Variants in SEC14L3 observed in about 807,000 individuals in gnomAD.
The protein encoded by SEC14L3 is SEC14-like protein 3.
Under a neutral mutation model 57.4 loss-of-function variants are expected in SEC14L3, and 56 were observed. The observed-to-expected ratio is 0.97, with a 90% CI of 0.79 to 1.22. The LOEUF is 1.22. Ranked by LOEUF, SEC14L3 falls within the 50% of genes most tolerant of loss-of-function variation. The pLI, the probability that SEC14L3 is intolerant of heterozygous loss-of-function variation, is 0.00. For missense variants in SEC14L3, 485 were observed against 511.7 expected, an observed-to-expected ratio of 0.95 and a Z score of 0.50; for synonymous variants, 173 against 194.4, an observed-to-expected ratio of 0.89 and a Z score of 0.92.
chr22:30,467,496 C>A (rs1643446099), intron 5 of SEC14L3, among the ~76,000 whole-genome samples: 1 of 152,190 alleles, frequency 6.6e-6, no homozygotes, highest in South Asian at 2.1e-4. Flanking sequence ...TAATAACCCA[C>A]AGTTTTTGTC....
At chr22:30,452,014 AAAGAAAAG>A (rs1569224077) in intron 12 of SEC14L3, among the ~76,000 whole-genome samples, 34 of 147,434 alleles carry the variant, frequency 2.3e-4, no homozygotes, top group East Asian at 6.1e-4. Context: ...AAAAAAGAAA[AAAGAAAAG>A]AAAAGAAAAG....
Position 30,470,510 on chromosome 22 carries a change from G to A in SEC14L3, c.127C>T (p.Arg43Ter), listed in dbSNP as rs200561897. The A allele has an allele frequency of 4.9e-4, 783 of 1,614,110 alleles. 4 individuals carry two copies. Among genetic ancestry groups the A allele is most frequent in the Non-Finnish European group, 1.7e-4 (196 of 1,180,030 alleles). ...CCTCTCCCACCTCTGCCCTCACCTCGGAGCCAGCGTAGAAGGAAATAATCA... is the reference window on the plus strand; with the variant it reads ...CCTCTCCCACCTCTGCCCTCACCTCAGAGCCAGCGTAGAAGGAAATAATCA... ...PDDYFLLRWL[R>*]ARNFDLQKSE... Residue 43 changes from arginine (R) to a stop codon, truncating the protein, a stop_gained, in exon 2 of 12, where the codon CGA becomes TGA. Transcript: ENST00000215812. LOFTEE classifies it high-confidence loss of function.
chr22:30,471,868 C>T, intron 1 of SEC14L3, 37 bp downstream of exon 1: 1 of 1,613,448 alleles, frequency 6.2e-7, no homozygotes, highest in South Asian at 1.1e-5. Flanking sequence ...GCCCCTTTCC[C>T]CTGGTCTTCC....
At chr22:30,455,099 T>TATA (rs1935088956), downstream of SEC14L3, among the ~76,000 whole-genome samples, 1 of 45,334 alleles carries the variant, frequency 2.2e-5, no homozygotes, top group Non-Finnish European at 3.4e-5. Flanking sequence ...TAATATATAA[T>TATA]ATATTTAATA....
At chr22:30,470,636 C>T in intron 1 of SEC14L3, 54 bp from the exon 2 acceptor site, 1 of 1,612,368 alleles carries the variant, frequency 6.2e-7, no homozygotes, top group Non-Finnish European at 8.5e-7. Context: ...CCTTGGCCTC[C>T]AGACTCAAAG....
At chr22:30,452,310 G>A (rs1178728390) in intron 12 of SEC14L3, among the ~76,000 whole-genome samples, 1 of 143,768 alleles carries the variant, frequency 7.0e-6, no homozygotes, top group African/African-American at 2.6e-5. Flanking sequence ...GTGCAGTGGT[G>A]CAAACTCGGC....
intron 8 of SEC14L3, among the ~76,000 whole-genome samples, chr22:30,462,692 G>T (rs904340963): frequency 2.6e-5 from 4 of 151,680 alleles, no homozygotes; most frequent in African/African-American, 9.7e-5. Flanking sequence ...CAAAGTGTTG[G>T]GATTACAGGT....
downstream of SEC14L3, among the ~76,000 whole-genome samples, chr22:30,457,585 A>G (rs1169922255): frequency 2.0e-5 from 3 of 151,546 alleles, no homozygotes; most frequent in African/African-American, 7.3e-5. Context: ...GTTTCACCAC[A>G]TTGGCCAAGC....
chr22:30,468,761 G>A (rs1247351658), intron 4 of SEC14L3, 65 bp from the exon 5 acceptor site: 8 of 1,613,194 alleles, frequency 5.0e-6, no homozygotes, highest in East Asian at 4.5e-5. Flanking sequence ...AGACCAGGCT[G>A]ACCTGGGTGG....
downstream of SEC14L3, among the ~76,000 whole-genome samples, chr22:30,454,646 T>TATA (rs1186267653): frequency 1.9e-5 from 2 of 107,980 alleles, no homozygotes; most frequent in African/African-American, 3.8e-5. Context: ...AGATATAATC[T>TATA]ATAATATTAC....
exon 13 of SEC14L3, chr22:30,449,187 T>C (rs1285953955): frequency 1.3e-6 from 2 of 1,550,452 alleles, no homozygotes; most frequent in African/African-American, 1.4e-5. Flanking sequence ...CTGTAGCTCA[T>C]GGCTGCATAT....
In SEC14L3 at chr22:30,460,022, T is replaced by C. The variant is rs980937855; in HGVS notation, c.1202A>G (p.Ter401TrpextTer13). The C allele has an allele frequency of 1.2e-6, 2 of 1,613,944 alleles. No homozygotes were observed. The highest frequency in any genetic ancestry group is 1.7e-4 in the Middle Eastern group (1 of 6,058). Residue 401 changes from the stop codon to tryptophan (W), a stop_lost, in exon 12 of 12, where the codon TAG (stop) becomes TGG (tryptophan). Transcript: ENST00000215812. Reference sequence around the variant, plus strand: ...GTCTCTGAGAAATGAGGGAGCCACCTAGACAGGGGTGAGCTCCTTATCATA... The same window carrying C: ...GTCTCTGAGAAATGAGGGAGCCACCCAGACAGGGGTGAGCTCCTTATCATA... ...QKYDKELTPV[*>W]
At chr22:30,450,298 C>A (rs969298473) in intron 12 of SEC14L3, among the ~76,000 whole-genome samples, 1 of 151,960 alleles carries the variant, frequency 6.6e-6, no homozygotes, top group Non-Finnish European at 1.5e-5. Flanking sequence ...TTGAGCCTGG[C>A]TGGAAATCTT....
downstream of SEC14L3, among the ~76,000 whole-genome samples, chr22:30,458,203 C>A (rs532324807): frequency 8.5e-5 from 13 of 152,346 alleles, no homozygotes; most frequent in Admixed American, 4.6e-4. Flanking sequence ...AGCCTCTTCA[C>A]GTCCCCGAAT....
chr22:30,458,101 A>G (rs561364466), downstream of SEC14L3, among the ~76,000 whole-genome samples: 1 of 152,186 alleles, frequency 6.6e-6, no homozygotes, highest in African/African-American at 2.4e-5. Flanking sequence ...GGAGCCTCTC[A>G]TGGCACCAGC....
chr22:30,466,919 G>A, intron 6 of SEC14L3, 63 bp downstream of exon 6: 1 of 1,507,738 alleles, frequency 6.6e-7, no homozygotes, highest in African/African-American at 1.4e-5. Context: ...TAAGCAGCTG[G>A]GTCATGGCAG....
chr22:30,465,713 C>T (rs1415225438), intron 7 of SEC14L3, among the ~76,000 whole-genome samples: 1 of 152,162 alleles, frequency 6.6e-6, no homozygotes, highest in Non-Finnish European at 1.5e-5. Context: ...ACTAGCCAAC[C>T]AAGCAGCCAG....
chr22:30,461,332 G>A lies in SEC14L3; in HGVS notation c.1059C>T (p.Leu353=), dbSNP rs1200780092. The change falls in exon 11 of 12, where the codon CTC becomes CTT. Residue 353 remains leucine, a synonymous_variant. Coordinates refer to ENST00000215812, the MANE Select transcript of SEC14L3 (RefSeq NM_174975.5). The part of the protein sequence containing the change: ...NAHMVPEDGN[L]TCSEAGVYVL... ...TACAGACGCCGGCCTCTGAGCAGGT[G>A]AGGTTCCCATCCTCGGGCACCATGT... 6.2e-7 allele frequency: 1 copy of A among 1,606,680 alleles called. No individual in the cohort carries two copies. Among genetic ancestry groups the A allele is most frequent in the Non-Finnish European group, 8.5e-7 (1 of 1,176,180 alleles).
At chr22:30,457,138 C>G (rs372927264), downstream of SEC14L3, among the ~76,000 whole-genome samples, 364 of 152,190 alleles carry the variant, frequency 2.4e-3, 4 homozygotes, top group African/African-American at 8.5e-3. Flanking sequence ...ACCCTGTCCC[C>G]CGACCCTGCA....
Sources: gnomAD v4.1 joint callset for allele counts (sites outside exome capture counted in the v4.1 genomes callset) on GRCh38, gnomAD v4.1.1 for gene constraint, MANE v1.5 for transcripts, NCBI Gene and HGNC (gene_info 2026-07-23, HGNC 2026-07-21) for gene names.